Variants in ELOA observed in about 807,000 individuals in gnomAD.
The protein encoded by ELOA is elongin-A.
In ELOA, 15 loss-of-function variants were observed where a neutral mutation model predicts 85.2. That is an observed-to-expected ratio of 0.18 (90% confidence interval 0.12 to 0.27). ELOA has a LOEUF of 0.27. Among genes scored for constraint, ELOA ranks in the 10% least tolerant of loss-of-function variants. The pLI, the probability that ELOA is intolerant of heterozygous loss-of-function variation, is 1.00. For synonymous variants in ELOA, 348 were observed against 357.2 expected (o/e 0.97, Z 0.29); for missense variants, 769 against 952.7 (o/e 0.81, Z 2.54).
Position 23,756,985 on chromosome 1 carries a change from G to A in ELOA, c.2117G>A (p.Ser706Asn), listed in dbSNP as rs771254929. 13 of 1,583,560 alleles carry A rather than the reference G, an allele frequency of 8.2e-6. No individual in the cohort carries two copies. Among genetic ancestry groups the A allele is most frequent in the Non-Finnish European group, 1.1e-5 (13 of 1,167,866 alleles). The stretch of plus-strand genomic sequence containing the variant: ...CCAGCCCCGTACCCCATGGGAAGCA[G>A]CCATGCTTCCGCCAGTAGCATCAGC... ...IKPAPYPMGS[S>N]HASASSISFN... is the part of the protein sequence containing the mutation. The change falls in exon 10 of 11, where the codon AGC becomes AAC. Residue 706 changes from serine (S) to asparagine (N), a missense_variant. Ser to Asn is a conservative substitution (Grantham distance 46). This residue lies in a region of ELOA where 116 missense variants were observed against 141.0 expected (regional missense o/e 0.82). Transcript: ENST00000613537.
intron 5 of ELOA, among the ~76,000 whole-genome samples, chr1:23,752,814 G>A (rs187820893): frequency 1.6e-4 from 24 of 151,942 alleles, no homozygotes; most frequent in African/African-American, 4.8e-4. Flanking sequence ...ATGGTGGTGC[G>A]TGCCTGTAAT....
At chr1:23,743,663 C>T in intron 1 of ELOA, 85 bp downstream of exon 1, 1 of 1,360,782 alleles carries the variant, frequency 7.3e-7, no homozygotes, top group Non-Finnish European at 9.5e-7. Flanking sequence ...TGGCGGGGTT[C>T]GGGGGCTGGG....
chr1:23,747,928 T>A (rs956372164), intron 1 of ELOA, among the ~76,000 whole-genome samples: 1 of 152,230 alleles, frequency 6.6e-6, no homozygotes, highest in South Asian at 2.1e-4. Context: ...TTATATAATA[T>A]TTAAATGCAA....
chr1:23,756,309 G>T lies in ELOA; in HGVS notation c.2008G>T (p.Ala670Ser). The T allele has an allele frequency of 1.3e-6, 2 of 1,574,464 alleles. No individual in the cohort carries two copies. Among genetic ancestry groups the T allele is most frequent in the South Asian group, 1.2e-5 (1 of 85,712 alleles). Residue 670 changes from alanine (A) to serine (S), a missense_variant, in exon 9 of 11, where the codon GCC (alanine) becomes TCC (serine). This residue lies in a region of ELOA where 116 missense variants were observed against 141.0 expected (regional missense o/e 0.82). Transcript: ENST00000613537. ...AAAGATGGCCTTTGTCAACTCTGTG[G>T]CCAAGCCACCTCGTGACGTCCGGAG... ...QAKMAFVNSV[A>S]KPPRDVRRRQ...
chr1:23,758,175 C>G (rs1270992707), intron 10 of ELOA, among the ~76,000 whole-genome samples: 1 of 147,892 alleles, frequency 6.8e-6, no homozygotes, highest in Non-Finnish European at 1.5e-5. Flanking sequence ...GACAGGCCCT[C>G]TTACTGTTTT....
At chr1:23,756,521 A>C in intron 9 of ELOA, 136 bp downstream of exon 9, 1 of 712,048 alleles carries the variant, frequency 1.4e-6, no homozygotes, top group Non-Finnish European at 2.3e-6. Flanking sequence ...TCATCAGCTC[A>C]GCACTTCCCT....
intron 9 of ELOA, 41 bp downstream of exon 9, chr1:23,756,426 C>T: frequency 2.6e-6 from 4 of 1,510,634 alleles, no homozygotes; most frequent in Non-Finnish European, 3.6e-6. Context: ...GTGCTATCAA[C>T]CCTTAGAGGT....
At chr1:23,744,113 C>G (rs1366555686) in intron 1 of ELOA, 1 of 152,388 alleles carries the variant, frequency 6.6e-6, no homozygotes, top group East Asian at 1.9e-4. Context: ...GATATCAGAG[C>G]GTGGACCTTT....
Position 23,751,283 on chromosome 1 carries a change from A to C in ELOA, c.678A>C (p.Gln226His). 6.2e-7 allele frequency: 1 copy of C among 1,614,258 alleles called. No individual in the cohort carries two copies. The highest frequency in any genetic ancestry group is 8.5e-7 in the Non-Finnish European group (1 of 1,180,050). The change falls in exon 4 of 11, where the codon CAA becomes CAC. Residue 226 changes from glutamine to histidine, a missense_variant. Physicochemically the swap from Gln to His is conservative, Grantham distance 24 (BLOSUM62 0). Around this residue, in one of 4 missense-constraint regions of ELOA, gnomAD observed 440 missense variants for 474.0 expected, o/e 0.93. Coordinates refer to ENST00000613537, the MANE Select transcript of ELOA (RefSeq NM_003198.3). ...TTCAGGACAGACTCGGGGCCAGCCAAGAACGACACCTGGGTGAACCCCATG... is the reference window on the plus strand; with the variant it reads ...TTCAGGACAGACTCGGGGCCAGCCACGAACGACACCTGGGTGAACCCCATG... ...NAFQDRLGAS[Q>H]ERHLGEPHGK...
chr1:23,755,827 C>A lies in ELOA; in HGVS notation c.1792-16C>A. On this transcript the variant is annotated splice_polypyrimidine_tract_variant and intron_variant, in intron 7 of 10. Coordinates refer to ENST00000613537, the MANE Select transcript of ELOA (RefSeq NM_003198.3). Reference sequence around the variant, plus strand: ...AAAGTGCTTGTACACAAATGATGTCCTGGTTCTGGTTTCAGGTATTAATTG... The same window carrying A: ...AAAGTGCTTGTACACAAATGATGTCATGGTTCTGGTTTCAGGTATTAATTG... 1 of 1,577,656 alleles carries A rather than the reference C, an allele frequency of 6.3e-7. No individual in the cohort carries two copies. The highest frequency in any genetic ancestry group is 2.3e-5 in the East Asian group (1 of 44,328).
chr1:23,758,267 T>TTA (rs1638236890), intron 10 of ELOA, among the ~76,000 whole-genome samples: 2 of 76,608 alleles, frequency 2.6e-5, no homozygotes, highest in Non-Finnish European at 4.9e-5. Context: ...TTATTTTTTT[T>TTA]TTTTTTTTTT....
chr1:23,743,754 T>TCGGGCGTCGGGACGCGGGGCCC (rs1553125049), intron 1 of ELOA, among the ~76,000 whole-genome samples, 176 bp downstream of exon 1: 1 of 151,990 alleles, frequency 6.6e-6, no homozygotes, highest in African/African-American at 2.4e-5. Context: ...ACCCCGTGCG[T>TCGGGCGTCGGGACGCGGGGCCC]CGGGCGTCGG....
chr1:23,753,488 A>G lies in ELOA; in HGVS notation c.1538-612A>G, dbSNP rs1644781648. ...CATAGGATTTTTGTCTGAAAGAAAA[A>G]AATGTCTAATTTTCATAGCAAAAGA... On this transcript the variant is annotated intron_variant, in intron 5 of 10. Coordinates refer to ENST00000613537, the MANE Select transcript of ELOA (RefSeq NM_003198.3). 2.0e-5 allele frequency among the ~76,000 whole-genome samples: 3 copies of G among 152,208 alleles called. No homozygotes were observed. The South Asian group carries it at 6.2e-4, about 32-fold the overall frequency.
In ELOA at chr1:23,750,896, C is replaced by A. The variant is rs1644766945; in HGVS notation, c.291C>A (p.Arg97=). ...TTGAGAAGAGCAATTCCCGAAAGCG[C>A]CCTCGGGATGCCCTGCAGAAGGAGG... ...QDFEKSNSRK[R]PRDALQKEEE... Residue 97 remains arginine (R), a synonymous_variant, in exon 4 of 11, where the codon CGC becomes CGA. Coordinates refer to ENST00000613537, the MANE Select transcript of ELOA (RefSeq NM_003198.3). The A allele has an allele frequency of 6.2e-7, 1 of 1,609,220 alleles. No individual in the cohort carries two copies. The highest frequency in any genetic ancestry group is 1.3e-5 in the African/African-American group (1 of 74,432).
chr1:23,757,266 T>A, intron 10 of ELOA, 141 bp downstream of exon 10: 1 of 883,966 alleles, frequency 1.1e-6, no homozygotes, highest in Non-Finnish European at 1.6e-6. Flanking sequence ...TGAATGTCAG[T>A]CCCTCCTTCC....
Position 23,751,568 on chromosome 1 carries a change from A to G in ELOA, c.963A>G (p.Ser321=), listed in dbSNP as rs1644771373. 1 of 1,614,112 alleles carries G rather than the reference A, an allele frequency of 6.2e-7. No homozygotes were observed. ...KKCLPPSEAA[S]DNHLKKPKHR... Reference sequence around the variant, plus strand: ...GTTTGCCTCCCTCAGAGGCCGCTTCAGACAACCACCTGAAAAAGCCAAAGC... The same window carrying G: ...GTTTGCCTCCCTCAGAGGCCGCTTCGGACAACCACCTGAAAAAGCCAAAGC... Residue 321 remains serine, a synonymous_variant, in exon 4 of 11, where the codon TCA becomes TCG. Transcript: ENST00000613537.
At chr1:23,746,538 C>T (rs569736348) in intron 1 of ELOA, among the ~76,000 whole-genome samples, 7 of 135,442 alleles carry the variant, frequency 5.2e-5, no homozygotes, top group East Asian at 2.4e-4. Flanking sequence ...ACCCAGGAGG[C>T]GGAGGTTGCA....
chr1:23,755,779 CAA>C (rs371132818), intron 7 of ELOA, 62 bp from the exon 8 acceptor site: 14,933 of 1,059,188 alleles, frequency 0.014, no homozygotes, highest in South Asian at 0.027. Context: ...GACTCTGTCT[CAA>C]AAAAAAAAAA....
At position 23,756,258 on chromosome 1, in the gene ELOA, C is replaced by T; in HGVS notation, c.1973-16C>T. On this transcript the variant is annotated splice_polypyrimidine_tract_variant and intron_variant, in intron 8 of 10. Transcript: ENST00000613537. ...TCTGCTCAAGAAGGCAGATGTTCAT[C>T]TCCATAATTCCACAGGCCGACAAGC... is the stretch of plus-strand genomic sequence containing the variant. 1 of 1,542,648 alleles carries T rather than the reference C, an allele frequency of 6.5e-7. No individual in the cohort carries two copies. Among genetic ancestry groups the T allele is most frequent in the East Asian group, 2.4e-5 (1 of 41,254 alleles).
Sources: allele counts gnomAD v4.1 joint callset (sites outside exome capture counted in the v4.1 genomes callset), GRCh38; gene constraint gnomAD v4.1.1; regional missense constraint gnomAD v4.1.1; transcripts MANE v1.5; gene names NCBI Gene and HGNC (gene_info 2026-07-23, HGNC 2026-07-21).